DSG4: variants seen among roughly 807,000 people sequenced by gnomAD.
DSG4 encodes the protein desmoglein-4.
Under a neutral mutation model 93.1 loss-of-function variants are expected in DSG4, and 87 were observed. That is an observed-to-expected ratio of 0.93 (90% CI 0.79 to 1.12). DSG4 has a LOEUF of 1.12. DSG4 is among the 50% of genes most tolerant of loss of function. The pLI, the probability that DSG4 is intolerant of heterozygous loss-of-function variation, is 0.00. For synonymous variants in DSG4, 432 were observed against 452.9 expected (o/e 0.95, Z 0.59); for missense variants, 1,373 against 1,285.7 (o/e 1.07, Z -1.04).
At chr18:31,400,822 G>T in intron 9 of DSG4, 59 bp from the exon 10 acceptor site, 1 of 1,568,418 alleles carries the variant, frequency 6.4e-7, no homozygotes, top group South Asian at 1.1e-5. Context: ...GCTGTTACAT[G>T]ATTTAAAAGT....
At chr18:31,401,091 C>A in intron 10 of DSG4, 71 bp downstream of exon 10, 1 of 1,316,614 alleles carries the variant, frequency 7.6e-7, no homozygotes, top group South Asian at 1.5e-5. Flanking sequence ...TATTCTAATG[C>A]TGATATTTGA....
In DSG4 at chr18:31,411,259, G is replaced by C. The variant is rs74755361; in HGVS notation, c.2166G>C (p.Gly722=). ...SEIYTNTYAA[G]GTVEGGVSGV... ...TCTACACCAACACCTATGCAGCCGG[G>C]GGCACGGTGGAAGGAGGTGTATCGG... is the stretch of plus-strand genomic sequence containing the variant. The change falls in exon 15 of 16, where the codon GGG becomes GGC. Residue 722 remains glycine, a synonymous_variant. Transcript: ENST00000308128. The C allele has an allele frequency of 3.1e-6, 5 of 1,613,682 alleles. No individual in the cohort carries two copies. Among genetic ancestry groups the C allele is most frequent in the Non-Finnish European group, 4.2e-6 (5 of 1,180,036 alleles).
rs1380995145 is a variant in DSG4, at chr18:31,411,260, G to T, written c.2167G>T (p.Gly723Cys). ...EIYTNTYAAG[G>C]TVEGGVSGVE... ...CTACACCAACACCTATGCAGCCGGGGGCACGGTGGAAGGAGGTGTATCGGG... is the reference window on the plus strand; with the variant it reads ...CTACACCAACACCTATGCAGCCGGGTGCACGGTGGAAGGAGGTGTATCGGG... Residue 723 changes from glycine (G) to cysteine (C), a missense_variant, in exon 15 of 16, where the codon GGC becomes TGC. Gly to Cys is a radical substitution (Grantham distance 159). Transcript: ENST00000308128. 2 of 1,613,704 alleles carry T rather than the reference G, an allele frequency of 1.2e-6. No homozygotes were observed. Among genetic ancestry groups the T allele is most frequent in the Admixed American group, 3.3e-5 (2 of 59,984 alleles).
intron 10 of DSG4, among the ~76,000 whole-genome samples, chr18:31,402,606 T>G (rs938291637): frequency 6.6e-6 from 1 of 152,126 alleles, no homozygotes; most frequent in African/African-American, 2.4e-5. Context: ...TAAAAGGAAT[T>G]TATTGCTTTC....
intron 3 of DSG4, among the ~76,000 whole-genome samples, chr18:31,387,491 C>T (rs2072200711): frequency 6.6e-6 from 1 of 152,150 alleles, no homozygotes; most frequent in Non-Finnish European, 1.5e-5. Flanking sequence ...CAGATGTATT[C>T]TCTCTCAGAT....
In DSG4 at chr18:31,411,155, G is replaced by A. The variant is rs1165905941; in HGVS notation, c.2138-76G>A. 5.0e-6 allele frequency: 8 copies of A among 1,613,976 alleles called. No homozygotes were observed. The South Asian group carries it at 7.7e-5, about 16-fold the overall frequency. On this transcript the variant is annotated intron_variant, in intron 14 of 15. Coordinates refer to ENST00000308128, the MANE Select transcript of DSG4 (RefSeq NM_177986.5). ...GCCGGGTGGTGGTGGCACCGCAGAC[G>A]GCGGCGGCAGCGTTTTAGGCAGATG...
intron 8 of DSG4, among the ~76,000 whole-genome samples, chr18:31,396,077 G>C (rs1054454518): frequency 1.3e-5 from 2 of 151,898 alleles, no homozygotes; most frequent in African/African-American, 4.8e-5. Context: ...GCCTCTCCTT[G>C]GTATTTATTG....
intron 8 of DSG4, among the ~76,000 whole-genome samples, chr18:31,392,750 A>G (rs1165224405): frequency 6.6e-6 from 1 of 152,240 alleles, no homozygotes; most frequent in Non-Finnish European, 1.5e-5. Context: ...TTGTCTGAAA[A>G]GATTTCATGC....
At position 31,378,507 on chromosome 18, in the gene DSG4, G is replaced by A. The variant is rs927528597; in HGVS notation, c.48+1548G>A. Among the ~76,000 whole-genome samples the A allele has an allele frequency of 1.2e-4, 18 of 152,274 alleles. No homozygotes were observed. The South Asian group carries it at 1.7e-3, about 14-fold the overall frequency. On this transcript the variant is annotated intron_variant, in intron 1 of 15. Coordinates refer to ENST00000308128, the MANE Select transcript of DSG4 (RefSeq NM_177986.5). Reference sequence around the variant, plus strand: ...TATGATAATATTATTTAATTGAAGAGTTGATTCTTCTCCTTGATCTTGAAA... The same window carrying A: ...TATGATAATATTATTTAATTGAAGAATTGATTCTTCTCCTTGATCTTGAAA...
At position 31,403,292 on chromosome 18, in the gene DSG4, C is replaced by A. The variant is rs762196337; in HGVS notation, c.1418-124C>A. Reference sequence around the variant, plus strand: ...TTTGGGTCACTGAAGCGGGCAGGAACCTGTCAAGCCTCCCAAGTCACGTAT... The same window carrying A: ...TTTGGGTCACTGAAGCGGGCAGGAAACTGTCAAGCCTCCCAAGTCACGTAT... On this transcript the variant is annotated intron_variant, in intron 10 of 15. Transcript: ENST00000308128. 207 of 807,914 alleles carry A rather than the reference C, an allele frequency of 2.6e-4. 1 individual carries two copies. Among genetic ancestry groups the A allele is most frequent in the Non-Finnish European group, 5.6e-5 (27 of 482,186 alleles). The allele number at this position is 807,914 out of a possible 1,614,324, so 50.0% of individuals were successfully genotyped here. A position where few individuals can be genotyped will look rare whatever the true frequency, so the allele number is the denominator to read the frequency against.
intron 8 of DSG4, 129 bp downstream of exon 8, chr18:31,392,469 G>A (rs2072260993): frequency 2.0e-6 from 2 of 1,017,170 alleles, no homozygotes; most frequent in Non-Finnish European, 1.5e-6. Flanking sequence ...TTTATATCAA[G>A]GGTCCTAAGT....
intron 7 of DSG4, 95 bp from the exon 8 acceptor site, chr18:31,392,060 G>C: frequency 1.7e-6 from 2 of 1,206,204 alleles, no homozygotes; most frequent in East Asian, 5.0e-5. Flanking sequence ...CATCGACATA[G>C]TTTGTTGTTA....
chr18:31,393,766 T>A (rs983468078), intron 8 of DSG4, among the ~76,000 whole-genome samples: 2 of 152,206 alleles, frequency 1.3e-5, no homozygotes, highest in Non-Finnish European at 2.9e-5. Flanking sequence ...ACATATCGTT[T>A]ATTCATTGGG....
At position 31,411,442 on chromosome 18, in the gene DSG4, C is replaced by T; in HGVS notation, c.2349C>T (p.Phe783=). The change falls in exon 15 of 16, where the codon TTC becomes TTT. Residue 783 remains phenylalanine (F), a synonymous_variant. Transcript: ENST00000308128. ...ACATGGCTTTCTTGGACAGCTACTT[C>T]TCGGAGGTAATGCCCTCACAGTCAC... ...DINMAFLDSY[F]SEKAYAYADE... is the part of the protein sequence containing the mutation. 1 of 1,612,200 alleles carries T rather than the reference C, an allele frequency of 6.2e-7. No individual in the cohort carries two copies. The highest frequency in any genetic ancestry group is 8.5e-7 in the Non-Finnish European group (1 of 1,180,004).
At chr18:31,398,344 A>C (rs1201943755) in intron 8 of DSG4, among the ~76,000 whole-genome samples, 1 of 152,148 alleles carries the variant, frequency 6.6e-6, no homozygotes, top group Non-Finnish European at 1.5e-5. Context: ...AACCCAAGTA[A>C]ATTTCTGTGA....
chr18:31,384,547 G>C (rs1434589782), intron 1 of DSG4, among the ~76,000 whole-genome samples: 3 of 152,126 alleles, frequency 2.0e-5, no homozygotes, highest in Non-Finnish European at 4.4e-5. Context: ...AAGAGTTCAA[G>C]GAGTAATAGG....
At chr18:31,390,212 G>A (rs1426676810) in intron 5 of DSG4, among the ~76,000 whole-genome samples, 1 of 152,024 alleles carries the variant, frequency 6.6e-6, no homozygotes, top group Non-Finnish European at 1.5e-5. Flanking sequence ...TGGAAAAGTG[G>A]CAATTAAGAA....
intron 8 of DSG4, among the ~76,000 whole-genome samples, chr18:31,395,423 C>T (rs1196851388): frequency 1.3e-5 from 2 of 152,018 alleles, no homozygotes; most frequent in Non-Finnish European, 2.9e-5. Flanking sequence ...CTTAAAAATA[C>T]CAAAGTAATG....
At position 31,403,563 on chromosome 18, in the gene DSG4, C is replaced by T; in HGVS notation, c.1565C>T (p.Ser522Phe). The T allele has an allele frequency of 3.1e-6, 5 of 1,614,034 alleles. No individual in the cohort carries two copies. Among genetic ancestry groups the T allele is most frequent in the Non-Finnish European group, 4.2e-6 (5 of 1,179,944 alleles). The stretch of plus-strand genomic sequence containing the variant: ...TCTGTTAATGAACATTCTTATGGGT[C>T]TCCGTTTACTTTCTGTGTTGTTGAT... ...LISVNEHSYG[S>F]PFTFCVVDEP... Residue 522 changes from serine (S) to phenylalanine (F), a missense_variant, in exon 11 of 16, where the codon TCT becomes TTT. Transcript: ENST00000308128.
Sources: gnomAD v4.1 joint callset for allele counts (sites outside exome capture counted in the v4.1 genomes callset) on GRCh38, gnomAD v4.1.1 for gene constraint, MANE v1.5 for transcripts, NCBI Gene and HGNC (gene_info 2026-07-23, HGNC 2026-07-21) for gene names.